COL12A1: variants seen among roughly 807,000 people sequenced by gnomAD.
The protein encoded by COL12A1 is collagen alpha-1(XII) chain.
A neutral mutation model predicts 349.7 loss-of-function variants in COL12A1; 114 were observed. That is an observed-to-expected ratio of 0.33 (90% CI 0.28 to 0.38). COL12A1 has a LOEUF of 0.38. Ranked by LOEUF, COL12A1 falls within the 10% of genes least tolerant of loss-of-function variation. COL12A1 has a pLI of 1.00. For missense variants in COL12A1, 3,284 were observed against 3,756.9 expected, an observed-to-expected ratio of 0.87 and a Z score of 3.29; for synonymous variants, 1,369 against 1,329.0, an observed-to-expected ratio of 1.03 and a Z score of -0.66.
chr6:75,091,346 T>C lies in COL12A1; in HGVS notation c.8729A>G (p.Gln2910Arg). 6.2e-7 allele frequency: 1 copy of C among 1,613,694 alleles called. No homozygotes were observed. Among genetic ancestry groups the C allele is most frequent in the Non-Finnish European group, 8.5e-7 (1 of 1,179,924 alleles). The change falls in exon 62 of 66, where the codon CAA (glutamine) becomes CGA (arginine). Residue 2910 changes from glutamine to arginine, a missense_variant. Around this residue, in one of 2 missense-constraint regions of COL12A1, gnomAD observed 683 missense variants for 932.1 expected, o/e 0.73. Coordinates refer to ENST00000322507, the MANE Select transcript of COL12A1 (RefSeq NM_004370.6). ...SQNMMRAVAR[Q>R]VCEQLISGQM... ...ACCACTTATCAATTGTTCACAGACT[T>C]GTCTTGCAACTGCTCGCATCATGTT... is the stretch of plus-strand genomic sequence containing the variant.
At chr6:75,195,027 G>T in intron 2 of COL12A1, 80 bp from the exon 3 acceptor site, 1 of 760,374 alleles carries the variant, frequency 1.3e-6, no homozygotes, top group Non-Finnish European at 2.1e-6. Context: ...ATTGTGTTGA[G>T]CAAAGCTTTC....
In COL12A1 at chr6:75,173,020, G is replaced by C. The variant is rs185330126; in HGVS notation, c.2710+2018C>G. Among the ~76,000 whole-genome samples, 140 of 152,270 alleles carry C rather than the reference G, an allele frequency of 9.2e-4. No individual in the cohort carries two copies. The Middle Eastern group carries it at 0.017, about 18-fold the overall frequency. On this transcript the variant is annotated intron_variant, in intron 13 of 65. Coordinates refer to ENST00000322507, the MANE Select transcript of COL12A1 (RefSeq NM_004370.6). ...GAACCAATCTGCAGCCCCCAACCCT[G>C]AGTATACCAAGAGGCTTTTAGATAT...
chr6:75,136,526 C>T (rs1012806833), intron 31 of COL12A1, among the ~76,000 whole-genome samples: 21 of 152,270 alleles, frequency 1.4e-4, no homozygotes, highest in African/African-American at 5.1e-4. Context: ...TACCTCTAAA[C>T]TGATAAGAGA....
rs533558878 is a variant in COL12A1, at chr6:75,199,137, G to A, written c.73+3583C>T. 1.6e-4 allele frequency among the ~76,000 whole-genome samples: 25 copies of A among 152,112 alleles called. No homozygotes were observed. In the South Asian group the frequency reaches 3.3e-3, roughly 20 times the overall value. On this transcript the variant is annotated intron_variant, in intron 2 of 65. Coordinates refer to ENST00000322507, the MANE Select transcript of COL12A1 (RefSeq NM_004370.6). Reference sequence around the variant, plus strand: ...AACATGCCCTCTCATTAAACTTTCCGGATCAACCAGTTGTCAAGCACAAAC... The same window carrying A: ...AACATGCCCTCTCATTAAACTTTCCAGATCAACCAGTTGTCAAGCACAAAC...
Position 75,183,469 on chromosome 6 carries a change from T to C in COL12A1, c.1472A>G (p.Glu491Gly). Residue 491 changes from glutamate (E) to glycine (G), a missense_variant, in exon 10 of 66, where the codon GAG (glutamate) becomes GGG (glycine). Physicochemically the swap from Glu to Gly is moderately conservative, Grantham distance 98 (BLOSUM62 -2). Coordinates refer to ENST00000322507, the MANE Select transcript of COL12A1 (RefSeq NM_004370.6). ...TTTGGTGAATTTTTTCAAAGTGAAC[T>C]CAGTATGAGGATCCCGGCTGTATTG... ...LVQYSRDPHTEFTLKKFTKVE... is the reference protein window; with the variant it reads ...LVQYSRDPHTGFTLKKFTKVE... The C allele has an allele frequency of 6.2e-7, 1 of 1,614,196 alleles. No individual in the cohort carries two copies. Among genetic ancestry groups the C allele is most frequent in the Non-Finnish European group, 8.5e-7 (1 of 1,180,024 alleles).
At chr6:75,200,936 A>T (rs1407733) in intron 2 of COL12A1, among the ~76,000 whole-genome samples, 128,406 of 150,680 alleles carry the variant, frequency 0.85, 55,523 homozygotes, top group Non-Finnish European at 0.93. Flanking sequence ...AAAGACACAG[A>T]TTAAGAAGCA....
intron 2 of COL12A1, among the ~76,000 whole-genome samples, chr6:75,197,109 A>C (rs1443014770): frequency 6.6e-6 from 1 of 152,198 alleles, no homozygotes; most frequent in African/African-American, 2.4e-5. Context: ...CTATTTGTAC[A>C]TTTGTTTGTT....
chr6:75,089,984 G>A, intron 63 of COL12A1, 126 bp downstream of exon 63: 1 of 965,640 alleles, frequency 1.0e-6, no homozygotes, highest in Non-Finnish European at 1.6e-6. Context: ...GCTCTTCTGA[G>A]GCTGTCCAAA....
chr6:75,183,334 C>T lies in COL12A1; in HGVS notation c.1607G>A (p.Gly536Glu). The T allele has an allele frequency of 1.2e-6, 2 of 1,614,206 alleles. No homozygotes were observed. The highest frequency in any genetic ancestry group is 2.2e-5 in the East Asian group (1 of 44,884). The part of the protein sequence containing the change: ...VREKIFVPSK[G>E]SRSNVPKVMI... ...GACCTTTGGCACATTGCTTCTTGATCCCTTGCTAGGCACAAATATTTTCTC... is the reference window on the plus strand; with the variant it reads ...GACCTTTGGCACATTGCTTCTTGATTCCTTGCTAGGCACAAATATTTTCTC... Residue 536 changes from glycine to glutamate, a missense_variant, in exon 10 of 66, where the codon GGA (glycine) becomes GAA (glutamate). Coordinates refer to ENST00000322507, the MANE Select transcript of COL12A1 (RefSeq NM_004370.6).
intron 25 of COL12A1, among the ~76,000 whole-genome samples, chr6:75,145,102 T>G (rs1269435951): frequency 6.6e-6 from 1 of 152,206 alleles, no homozygotes; most frequent in Non-Finnish European, 1.5e-5. Context: ...ACACTTCAAT[T>G]TCAGGCATGT....
intron 25 of COL12A1, 26 bp downstream of exon 25, chr6:75,145,300 G>A (rs774784526): frequency 6.4e-7 from 1 of 1,551,068 alleles, no homozygotes; most frequent in Non-Finnish European, 8.8e-7. Flanking sequence ...CAATAAGAAG[G>A]GAAATAAAAC....
intron 14 of COL12A1, among the ~76,000 whole-genome samples, chr6:75,159,886 A>C (rs1767949274): frequency 6.6e-6 from 1 of 152,150 alleles, no homozygotes; most frequent in Admixed American, 6.6e-5. Context: ...AAAATGTTTC[A>C]AAATTTAAAC....
intron 46 of COL12A1, among the ~76,000 whole-genome samples, chr6:75,118,029 G>A (rs1039269658): frequency 2.6e-5 from 4 of 152,054 alleles, no homozygotes; most frequent in South Asian, 2.1e-4. Flanking sequence ...CAACAGACGG[G>A]CTATGACAAA....
intron 20 of COL12A1, 124 bp downstream of exon 20, chr6:75,151,742 GA>G (rs1253379636): frequency 7.5e-6 from 8 of 1,065,596 alleles, no homozygotes; most frequent in Non-Finnish European, 1.1e-5. Flanking sequence ...ACATTATTTT[GA>G]TAAATTATGT....
intron 3 of COL12A1, among the ~76,000 whole-genome samples, chr6:75,192,675 A>T (rs1770002905): frequency 6.6e-6 from 1 of 152,162 alleles, no homozygotes; most frequent in Admixed American, 6.6e-5. Flanking sequence ...ATGGTAGATA[A>T]CAGTTTTATA....
At position 75,121,334 on chromosome 6, in the gene COL12A1, C is replaced by A. The variant is rs751620225; in HGVS notation, c.7054G>T (p.Gly2352Cys). 3 of 1,611,338 alleles carry A rather than the reference C, an allele frequency of 1.9e-6. No homozygotes were observed. In the East Asian group the frequency reaches 6.7e-5, roughly 36 times the overall value. Residue 2352 changes from glycine to cysteine, a missense_variant, in exon 44 of 66, where the codon GGC (glycine) becomes TGC (cysteine). By Grantham distance (159) the Gly-to-Cys change is radical. Around this residue, in one of 2 missense-constraint regions of COL12A1, gnomAD observed 683 missense variants for 932.1 expected, o/e 0.73. Coordinates refer to ENST00000322507, the MANE Select transcript of COL12A1 (RefSeq NM_004370.6). ...VVKFIFNTVG[G>C]FDEISPAGIQ... is the part of the protein sequence containing the mutation. ...CCAGCAGGACTGATTTCATCAAAGC[C>A]TCCCACAGTATTGAAGATGAATTTT...
rs368298046 is a variant in COL12A1 at position 75,198,717 on chromosome 6, A to C, written c.74-3770T>G. On this transcript the variant is annotated intron_variant, in intron 2 of 65. Transcript: ENST00000322507. ...ACTGCAGAGATGAATGAAGGGAAGGATGGATAGACAGGTGGGAAAATGGAT... is the reference window on the plus strand; with the variant it reads ...ACTGCAGAGATGAATGAAGGGAAGGCTGGATAGACAGGTGGGAAAATGGAT... 7.9e-5 allele frequency among the ~76,000 whole-genome samples: 12 copies of C among 152,168 alleles called. No homozygotes were observed. In the East Asian group the frequency reaches 2.3e-3, roughly 29 times the overall value.
In COL12A1 at chr6:75,086,304, T is replaced by C. The variant is rs148531119; in HGVS notation, c.*243A>G. On this transcript the variant is annotated 3_prime_UTR_variant, in exon 66 of 66. Coordinates refer to ENST00000322507, the MANE Select transcript of COL12A1 (RefSeq NM_004370.6). ...GTGTGTTGGAACTTTTTTAAAATAA[T>C]GTTTTTCTACATTATTACTGAAATG... 50 of 263,562 alleles carry C rather than the reference T, an allele frequency of 1.9e-4. No homozygotes were observed. The East Asian group carries it at 3.2e-3, about 17-fold the overall frequency. The allele number at this position is 263,562 out of a possible 1,614,324, so 16.3% of individuals were successfully genotyped here.
Position 75,090,340 on chromosome 6 carries a change from A to C in COL12A1, c.8753-42T>G, listed in dbSNP as rs1767698449. ...GGCTTGTTAGTAAGAAACCCAATAA[A>C]GGACGGATGAGAGAGTGAAACTGTT... On this transcript the variant is annotated intron_variant, in intron 62 of 65. Transcript: ENST00000322507. This position sits in a 1 kb window ranked among gnomAD's most constrained non-coding sequence, Gnocchi z 4.1. 2 of 1,554,384 alleles carry C rather than the reference A, an allele frequency of 1.3e-6. No homozygotes were observed. The highest frequency in any genetic ancestry group is 1.8e-6 in the Non-Finnish European group (2 of 1,141,340).
Sources: allele counts gnomAD v4.1 joint callset (sites outside exome capture counted in the v4.1 genomes callset), GRCh38; gene constraint gnomAD v4.1.1; regional missense constraint gnomAD v4.1.1; non-coding constraint Gnocchi (gnomAD v3.1); transcripts MANE v1.5; gene names NCBI Gene and HGNC (gene_info 2026-07-23, HGNC 2026-07-21).